The following CHCHD3 variants were observed in gnomAD, a reference collection of about 807,000 sequenced individuals.
The protein encoded by CHCHD3 is MICOS complex subunit MIC19.
CHCHD3 carries 20 observed loss-of-function variants against 38.2 expected under a neutral mutation model. The observed-to-expected ratio is 0.52, with a 90% CI of 0.37 to 0.76. The LOEUF is 0.76. Among genes scored for constraint, CHCHD3 ranks in the 30% least tolerant of loss-of-function variants. The probability of loss-of-function intolerance (pLI) is 0.00; values close to 1 mark genes in which losing one functional copy is unlikely to be tolerated. For synonymous variants in CHCHD3, 82 were observed against 100.0 expected (o/e 0.82, Z 1.07); for missense variants, 245 against 279.2 (o/e 0.88, Z 0.87).
intron 4 of CHCHD3, chr7:132,973,383 T>C: frequency 1.0e-6 from 1 of 985,578 alleles, no homozygotes; most frequent in Non-Finnish European, 1.2e-6. Context: ...TTCAACCCAC[T>C]GACCTGATAT....
At chr7:133,002,862 C>T (rs1443382892) in intron 3 of CHCHD3, among the ~76,000 whole-genome samples, 1 of 152,124 alleles carries the variant, frequency 6.6e-6, no homozygotes, top group Non-Finnish European at 1.5e-5. Context: ...ATGATACTAA[C>T]TTTCCATTGG....
intron 5 of CHCHD3, among the ~76,000 whole-genome samples, chr7:132,862,901 C>G (rs867371177): frequency 2.6e-5 from 4 of 152,192 alleles, no homozygotes; most frequent in African/African-American, 7.2e-5. Flanking sequence ...GAGATTGCTG[C>G]AATTCAGTTC....
chr7:132,796,420 G>C (rs780948019), intron 7 of CHCHD3, 22 bp downstream of exon 7: 1 of 1,612,734 alleles, frequency 6.2e-7, no homozygotes, highest in Non-Finnish European at 8.5e-7. Context: ...AGTGCCCCCA[G>C]TGGCCTGGCT....
At chr7:132,830,632 G>T (rs1309438579) in intron 6 of CHCHD3, 1 of 152,136 alleles carries the variant, frequency 6.6e-6, no homozygotes, top group East Asian at 1.9e-4. Flanking sequence ...ATGTGTATTT[G>T]CCATTAGCTT....
chr7:132,799,202 G>T (rs1230530623), intron 6 of CHCHD3, among the ~76,000 whole-genome samples: 1 of 152,134 alleles, frequency 6.6e-6, no homozygotes, highest in South Asian at 2.1e-4. Context: ...ATCTGTAAGG[G>T]TAAAGGTTTG....
At chr7:132,861,508 C>T (rs1034477745) in intron 5 of CHCHD3, among the ~76,000 whole-genome samples, 1 of 152,122 alleles carries the variant, frequency 6.6e-6, no homozygotes, top group Non-Finnish European at 1.5e-5. Flanking sequence ...TTCCTGTGTC[C>T]CCAGCCCATG....
At chr7:133,026,285 T>C (rs1308348123) in intron 2 of CHCHD3, among the ~76,000 whole-genome samples, 1 of 152,146 alleles carries the variant, frequency 6.6e-6, no homozygotes, top group Non-Finnish European at 1.5e-5. Flanking sequence ...AAAAAGTTGT[T>C]CAACAGCATT....
Position 133,024,546 on chromosome 7 carries a change from C to T in CHCHD3, c.251G>A (p.Arg84Gln), listed in dbSNP as rs780297012. ...QAKKESEDQK[R>Q]LKQAKELDRE... is the part of the protein sequence containing the mutation. ...CTCTCTCTGATACCACAAAACTCAC[C>T]GTTTCTGATCTTCGGATTCTTTCTT... The change falls in exon 3 of 8, where the codon CGA becomes CAA. Residue 84 changes from arginine to glutamine, a missense_variant and splice_region_variant. Transcript: ENST00000262570. 12 of 1,610,470 alleles carry T rather than the reference C, an allele frequency of 7.5e-6. No homozygotes were observed. The highest frequency in any genetic ancestry group is 1.7e-4 in the Middle Eastern group (1 of 5,794).
At chr7:132,824,320 T>C (rs1373735504) in intron 6 of CHCHD3, among the ~76,000 whole-genome samples, 1 of 138,658 alleles carries the variant, frequency 7.2e-6, no homozygotes, top group East Asian at 2.1e-4. Context: ...AACTCTTTTT[T>C]TTTTTTTTTT....
intron 6 of CHCHD3, among the ~76,000 whole-genome samples, chr7:132,799,007 CTGTGTGTGTGTGTGTGTGTGTG>C (rs58508838): frequency 6.9e-6 from 1 of 145,488 alleles, no homozygotes; most frequent in Non-Finnish European, 1.5e-5. Flanking sequence ...GTGATCTGTT[CTGTGTGTGTGTGTGTGTGTGTG>C]TGTGTGTGTG....
intron 6 of CHCHD3, among the ~76,000 whole-genome samples, chr7:132,835,863 T>G (rs771092489): frequency 3.4e-4 from 51 of 152,132 alleles, no homozygotes; most frequent in Admixed American, 6.5e-5. Flanking sequence ...CTAATATGAC[T>G]GGTATTCTTG....
rs139330419 is a variant in CHCHD3, at chr7:133,055,936, A to C, written c.169+14206T>G. ...TGAGCAGAAGAATCACTTCAGCCCA[A>C]GAGTTAGAGACCAGCCTGAGCAACA... On this transcript the variant is annotated intron_variant, in intron 2 of 7. Coordinates refer to ENST00000262570, the MANE Select transcript of CHCHD3 (RefSeq NM_017812.4). 1.1e-3 allele frequency among the ~76,000 whole-genome samples: 165 copies of C among 152,148 alleles called. 1 individual carries two copies. The highest frequency in any genetic ancestry group is 3.9e-3 in the African/African-American group (160 of 41,530).
chr7:132,815,116 C>T (rs1308940927), intron 6 of CHCHD3, among the ~76,000 whole-genome samples: 1 of 152,156 alleles, frequency 6.6e-6, no homozygotes, highest in African/African-American at 2.4e-5. Flanking sequence ...AACGTGATGG[C>T]AAATCAATTA....
chr7:132,843,748 T>C (rs115490444), intron 5 of CHCHD3, among the ~76,000 whole-genome samples: 2,836 of 152,340 alleles, frequency 0.019, 95 homozygotes, highest in African/African-American at 0.065. Flanking sequence ...TTATTAATTA[T>C]AGATGACTGT....
At chr7:132,870,981 G>A (rs1808755038) in intron 5 of CHCHD3, among the ~76,000 whole-genome samples, 1 of 151,946 alleles carries the variant, frequency 6.6e-6, no homozygotes, top group African/African-American at 2.4e-5. Flanking sequence ...TATTATCCAG[G>A]TTGTTGTATC....
intron 6 of CHCHD3, among the ~76,000 whole-genome samples, chr7:132,830,171 C>A (rs188000945): frequency 6.6e-6 from 1 of 152,138 alleles, no homozygotes; most frequent in African/African-American, 2.4e-5. Context: ...AATACCGAAG[C>A]TTTCTTTGTA....
At position 132,801,033 on chromosome 7, in the gene CHCHD3, T is replaced by C. The variant is rs148729372; in HGVS notation, c.525-4456A>G. Among the ~76,000 whole-genome samples, 289 of 152,318 alleles carry C rather than the reference T, an allele frequency of 1.9e-3. 3 individuals carry two copies. The highest frequency in any genetic ancestry group is 6.5e-3 in the African/African-American group (270 of 41,576). ...TAATTTTTTCTCTACCAACTTTTCATTAGCTGTTAAACCCAGTGATCAGGA... is the reference window on the plus strand; with the variant it reads ...TAATTTTTTCTCTACCAACTTTTCACTAGCTGTTAAACCCAGTGATCAGGA... On this transcript the variant is annotated intron_variant, in intron 6 of 7. Transcript: ENST00000262570.
intron 2 of CHCHD3, among the ~76,000 whole-genome samples, chr7:133,047,841 A>T (rs1814038157): frequency 6.6e-6 from 1 of 152,088 alleles, no homozygotes; most frequent in South Asian, 2.1e-4. Context: ...TAATCCCAGC[A>T]CTTTGGGAGG....
intron 4 of CHCHD3, among the ~76,000 whole-genome samples, chr7:132,894,534 C>T (rs140119126): frequency 3.9e-5 from 6 of 152,262 alleles, no homozygotes; most frequent in Non-Finnish European, 7.4e-5. Flanking sequence ...CTTGTTTTTG[C>T]TTTTACCTTG....
Sources: allele counts gnomAD v4.1 joint callset (sites outside exome capture counted in the v4.1 genomes callset), GRCh38; gene constraint gnomAD v4.1.1; transcripts MANE v1.5; gene names NCBI Gene and HGNC (gene_info 2026-07-23, HGNC 2026-07-21).